Variants in COL4A4 observed in about 807,000 individuals in gnomAD.
COL4A4 encodes collagen type IV alpha 4 chain, also known as collagen alpha-4(IV) chain.
COL4A4 carries 105 observed loss-of-function variants against 192.9 expected under a neutral mutation model. The ratio of observed to expected loss-of-function variants is 0.54; its 90% CI spans 0.46 to 0.64. The LOEUF (loss-of-function observed/expected upper bound fraction) is 0.64, where lower values mean the gene tolerates loss of function less well. Ranked by LOEUF, COL4A4 falls within the 30% of genes least tolerant of loss-of-function variation. COL4A4 has a pLI of 0.00. For synonymous variants in COL4A4, 762 were observed against 769.9 expected, an observed-to-expected ratio of 0.99 and a Z score of 0.17; for missense variants, 1,967 against 2,169.3, an observed-to-expected ratio of 0.91 and a Z score of 1.85.
chr2:226,976,919 A>G, the COL4A4 span, among the ~76,000 whole-genome samples: 2 of 152,264 alleles, frequency 1.3e-5, no homozygotes, highest in South Asian at 2.1e-4. Flanking sequence ...CCCTCCTCCC[A>G]TTGAAAGAGC....
At chr2:227,143,583 A>T (rs1253499293) in intron 3 of COL4A4, among the ~76,000 whole-genome samples, 1 of 152,234 alleles carries the variant, frequency 6.6e-6, no homozygotes, top group Admixed American at 6.5e-5. Flanking sequence ...GCAATATTTT[A>T]AAAAAAGTAA....
intron 12 of COL4A4, among the ~76,000 whole-genome samples, chr2:227,106,425 T>C (rs1189334559): frequency 1.3e-5 from 2 of 152,186 alleles, no homozygotes; most frequent in East Asian, 1.9e-4. Context: ...AGGAAAACTA[T>C]GAAGAATTAA....
Position 227,007,439 on chromosome 2 carries a change from T to A in COL4A4, c.4959A>T (p.Thr1653=). ...FFANKYSFWL[T]TVKADLQFSS... is the part of the protein sequence containing the mutation. ...AAAACTGCAAGTCTGCTTTCACCGT[T>A]GTGAGCCAGAAGCTATACTTATTTG... The change falls in exon 48 of 48, where the codon ACA becomes ACT. Residue 1653 remains threonine, a synonymous_variant. Transcript: ENST00000396625. 1 of 1,614,218 alleles carries A rather than the reference T, an allele frequency of 6.2e-7. No individual in the cohort carries two copies. The highest frequency in any genetic ancestry group is 8.5e-7 in the Non-Finnish European group (1 of 1,180,038).
chr2:227,065,284 C>T (rs1021336977), intron 25 of COL4A4, among the ~76,000 whole-genome samples: 12 of 152,218 alleles, frequency 7.9e-5, no homozygotes, highest in Non-Finnish European at 1.3e-4. Context: ...AACTGCAAGG[C>T]GGCAGCGAGG....
intron 4 of COL4A4, among the ~76,000 whole-genome samples, chr2:227,134,180 G>C (rs952416070): frequency 1.3e-5 from 2 of 152,144 alleles, no homozygotes; most frequent in African/African-American, 4.8e-5. Flanking sequence ...GCACCGTCCA[G>C]CTCCTAGTAG....
intron 43 of COL4A4, among the ~76,000 whole-genome samples, chr2:227,023,067 C>T (rs1343182987): frequency 6.6e-6 from 1 of 152,078 alleles, no homozygotes; most frequent in Non-Finnish European, 1.5e-5. Flanking sequence ...GTTCCTGAGT[C>T]AGAAGGTCTG....
chr2:227,106,059 A>AAG (rs2060821991), intron 12 of COL4A4, among the ~76,000 whole-genome samples: 2 of 151,386 alleles, frequency 1.3e-5, no homozygotes, highest in Non-Finnish European at 2.9e-5. Flanking sequence ...AAAAAAAAAA[A>AAG]GAGTTCAATT....
At chr2:227,089,112 A>G (rs2059760748) in intron 21 of COL4A4, among the ~76,000 whole-genome samples, 1 of 152,214 alleles carries the variant, frequency 6.6e-6, no homozygotes, top group Admixed American at 6.5e-5. Flanking sequence ...TCTACTGAAG[A>G]AACGTTAAAA....
intron 37 of COL4A4, among the ~76,000 whole-genome samples, chr2:227,041,875 AAAGAAAGAAAG>A (rs1559478932): frequency 2.8e-5 from 4 of 144,592 alleles, no homozygotes; most frequent in African/African-American, 1.1e-4. Flanking sequence ...AGAAAGAAAG[AAAGAAAGAAAG>A]AAAGAAAGAA....
rs768920533 is a variant in COL4A4, at chr2:227,022,150, C to T, written c.4114G>A (p.Val1372Met). Reference protein sequence around the residue: ...PRGEPGPPADVDDCPRIPGLP... With the variant: ...PRGEPGPPADMDDCPRIPGLP... ...CCTGGGATTCGGGGACAGTCATCCA[C>T]ATCTGCAGGTGGCCCCGGTTCACCT... The change falls in exon 44 of 48, where the codon GTG becomes ATG. Residue 1372 changes from valine to methionine, a missense_variant. By Grantham distance (21) the Val-to-Met change is conservative. Transcript: ENST00000396625. 6.8e-6 allele frequency: 11 copies of T among 1,614,050 alleles called. No individual in the cohort carries two copies. Among genetic ancestry groups the T allele is most frequent in the African/African-American group, 1.3e-5 (1 of 74,934 alleles).
Position 227,059,598 on chromosome 2 carries a change from C to G in COL4A4, c.2190G>C (p.Pro730=), listed in dbSNP as rs998610773. 5.0e-6 allele frequency: 8 copies of G among 1,613,916 alleles called. No individual in the cohort carries two copies. The highest frequency in any genetic ancestry group is 1.6e-4 in the Middle Eastern group (1 of 6,084). Residue 730 remains proline (P), a synonymous_variant, in exon 28 of 48, where the codon CCG becomes CCC. Coordinates refer to ENST00000396625, the MANE Select transcript of COL4A4 (RefSeq NM_000092.5). ...PPGFRGDMGD[P]GFGGEKGSSP... is the part of the protein sequence containing the mutation. ...AGGACCCCTTTTCACCTCCAAAACC[C>G]GGATCTCCCATGTCACCACGAAAAC...
Position 227,012,147 on chromosome 2 carries a change from G to A in COL4A4, c.4333+34C>T, listed in dbSNP as rs200135417. The A allele has an allele frequency of 3.3e-5, 49 of 1,488,924 alleles. No homozygotes were observed. The East Asian group carries it at 1.1e-3, about 33-fold the overall frequency. 92.2% of individuals were successfully genotyped at this position (1,488,924 alleles called of 1,614,324 possible). The stretch of plus-strand genomic sequence containing the variant: ...TTTGTATACAACTCTAAGGTTTACA[G>A]TGTCAGAGAAAAGAGGAGTGACTGA... On this transcript the variant is annotated intron_variant, in intron 45 of 47. Transcript: ENST00000396625.
intron 30 of COL4A4, 130 bp from the exon 31 acceptor site, chr2:227,054,867 GC>G (rs1974953071): frequency 1.0e-6 from 1 of 985,076 alleles, no homozygotes; most frequent in African/African-American, 1.6e-5. Flanking sequence ...TCGGCTCATT[GC>G]AACCTCTGCC....
intron 7 of COL4A4, among the ~76,000 whole-genome samples, chr2:227,117,473 G>GAGTATGGAAAAATA (rs1559667479): frequency 7.9e-5 from 12 of 152,178 alleles, no homozygotes; most frequent in African/African-American, 2.4e-4. Flanking sequence ...GAAGAAAAAT[G>GAGTATGGAAAAATA]TGAGTATGGA....
chr2:227,107,756 CTTTT>C (rs71036157), intron 12 of COL4A4, among the ~76,000 whole-genome samples: 10 of 109,170 alleles, frequency 9.2e-5, no homozygotes, highest in Non-Finnish European at 1.3e-4. Context: ...AATCACTTTT[CTTTT>C]TTTTTTTTTT....
chr2:227,081,926 A>G (rs2059347920), intron 23 of COL4A4, among the ~76,000 whole-genome samples, 189 bp downstream of exon 23: 1 of 152,232 alleles, frequency 6.6e-6, no homozygotes, highest in Admixed American at 6.5e-5. Flanking sequence ...TATGTTTTCA[A>G]ATAAGAGACA....
At chr2:227,160,909 T>A (rs775116771) in intron 1 of COL4A4, among the ~76,000 whole-genome samples, 6 of 152,142 alleles carry the variant, frequency 3.9e-5, no homozygotes, top group Non-Finnish European at 8.8e-5. Context: ...AAGAGCCTAA[T>A]TGTTTCAGAG....
intron 25 of COL4A4, among the ~76,000 whole-genome samples, chr2:227,068,567 G>A (rs969507877): frequency 2.6e-4 from 39 of 152,202 alleles, no homozygotes; most frequent in South Asian, 1.5e-3. Context: ...TTCAATATAC[G>A]CGAATCAATA....
At chr2:227,120,861 C>T in intron 5 of COL4A4, 153 bp downstream of exon 5, 1 of 937,382 alleles carries the variant, frequency 1.1e-6, no homozygotes, top group Non-Finnish European at 1.6e-6. Context: ...CTCGCTTGAA[C>T]CTGGGAGGCG....
Sources: allele counts gnomAD v4.1 joint callset (sites outside exome capture counted in the v4.1 genomes callset), GRCh38; gene constraint gnomAD v4.1.1; transcripts MANE v1.5; gene names NCBI Gene and HGNC (gene_info 2026-07-23, HGNC 2026-07-21).